PABPC5: variants seen among roughly 807,000 people sequenced by gnomAD.
PABPC5 encodes the protein poly(A) binding protein cytoplasmic 5, also known as polyadenylate-binding protein 5.
A neutral mutation model predicts 12.6 loss-of-function variants in PABPC5; 6 were observed. The observed-to-expected ratio is 0.48, with a 90% confidence interval of 0.26 to 0.94. The LOEUF is 0.94. Among genes scored for constraint, PABPC5 ranks in the 40% least tolerant of loss-of-function variants. The probability of loss-of-function intolerance (pLI) is 0.14; values close to 1 mark genes in which losing one functional copy is unlikely to be tolerated. For missense variants in PABPC5, 244 were observed against 302.8 expected (o/e 0.81, Z 1.44); for synonymous variants, 124 against 118.4 (o/e 1.05, Z -0.31).
Position 91,436,453 on chromosome X carries a change from G to A in PABPC5, c.876G>A (p.Arg292=), listed in dbSNP as rs1241265115. 1.7e-6 allele frequency: 2 copies of A among 1,211,695 alleles called. No homozygotes were observed. Among genetic ancestry groups the A allele is most frequent in the Admixed American group, 4.3e-5 (2 of 46,027 alleles). ...TGAGGCGGAGATTTGAACGGCTGAG[G>A]TTAAAAGAAAAAAGTCGGCCCCCAG... ...AELRRRFERL[R]LKEKSRPPGV... The change falls in exon 2 of 2, where the codon AGG becomes AGA. Residue 292 remains arginine (R), a synonymous_variant. Transcript: ENST00000312600.
chrX:91,436,666 C>T lies in PABPC5; in HGVS notation c.1089C>T (p.Gly363=). 8.3e-7 allele frequency: 1 copy of T among 1,210,952 alleles called. No individual in the cohort carries two copies. The highest frequency in any genetic ancestry group is 1.1e-6 in the Non-Finnish European group (1 of 895,444). The change falls in exon 2 of 2, where the codon GGC becomes GGT. Residue 363 remains glycine (G), a synonymous_variant. Coordinates refer to ENST00000312600, the MANE Select transcript of PABPC5 (RefSeq NM_080832.3). ...CCAAAGCAGTGGATGAGATGAATGGCCGCATAGTGGGCTCCAAGCCCCTGC... is the reference window on the plus strand; with the variant it reads ...CCAAAGCAGTGGATGAGATGAATGGTCGCATAGTGGGCTCCAAGCCCCTGC... ...EATKAVDEMN[G]RIVGSKPLHV... is the part of the protein sequence containing the mutation.
rs766699601 is a variant in PABPC5, at chrX:91,438,376, G to A, written c.*1650G>A. On this transcript the variant is annotated 3_prime_UTR_variant, in exon 2 of 2. Coordinates refer to ENST00000312600, the MANE Select transcript of PABPC5 (RefSeq NM_080832.3). ...ATAAGACATGCTCATTGTAAAAAAT[G>A]TACACAAGGCAGAAGGAAGTAAAAT... The A allele has an allele frequency of 8.1e-6, 1 of 122,767 alleles. No individual in the cohort carries two copies. Among genetic ancestry groups the A allele is most frequent in the African/African-American group, 3.2e-5 (1 of 30,807 alleles). 10.1% of individuals were successfully genotyped at this position (122,767 alleles called of 1,213,427 possible). A position where few individuals can be genotyped will look rare whatever the true frequency, so the allele number is the denominator to read the frequency against.
At position 91,435,736 on chromosome X, in the gene PABPC5, G is replaced by A. The variant is rs753918461; in HGVS notation, c.159G>A (p.Pro53=). The A allele has an allele frequency of 5.0e-6, 6 of 1,211,354 alleles. No individual in the cohort carries two copies. The highest frequency in any genetic ancestry group is 1.8e-5 in the South Asian group (1 of 56,900). ...PLRFTRICRD[P]VTRSPLGYGY... ...GATTCACCCGAATCTGCCGTGATCCGGTGACCCGCAGCCCCCTGGGCTATG... is the reference window on the plus strand; with the variant it reads ...GATTCACCCGAATCTGCCGTGATCCAGTGACCCGCAGCCCCCTGGGCTATG... The change falls in exon 2 of 2, where the codon CCG becomes CCA. Residue 53 remains proline (P), a synonymous_variant. Coordinates refer to ENST00000312600, the MANE Select transcript of PABPC5 (RefSeq NM_080832.3).
rs1282922365 is a variant in PABPC5, at chrX:91,437,521, T to C, written c.*795T>C. Reference sequence around the variant, plus strand: ...TTTCTAAATTCCTTAGTACATATACTTGGATCATGTTAAATTAACAAGAAA... The same window carrying C: ...TTTCTAAATTCCTTAGTACATATACCTGGATCATGTTAAATTAACAAGAAA... On this transcript the variant is annotated 3_prime_UTR_variant, in exon 2 of 2. Coordinates refer to ENST00000312600, the MANE Select transcript of PABPC5 (RefSeq NM_080832.3). 2 of 123,325 alleles carry C rather than the reference T, an allele frequency of 1.6e-5. No individual in the cohort carries two copies. Among genetic ancestry groups the C allele is most frequent in the Non-Finnish European group, 3.8e-5 (2 of 53,198 alleles). 10.2% of individuals were successfully genotyped at this position (123,325 alleles called of 1,213,427 possible).
chrX:91,437,614 A>G lies in PABPC5; in HGVS notation c.*888A>G, dbSNP rs1252799016. 2.4e-5 allele frequency: 3 copies of G among 123,184 alleles called. No individual in the cohort carries two copies. The highest frequency in any genetic ancestry group is 9.7e-5 in the African/African-American group (3 of 30,802). 10.2% of individuals were successfully genotyped at this position (123,184 alleles called of 1,213,427 possible). A position where few individuals can be genotyped will look rare whatever the true frequency, so the allele number is the denominator to read the frequency against. On this transcript the variant is annotated 3_prime_UTR_variant, in exon 2 of 2. Transcript: ENST00000312600. ...AATATTTTACCTTCGGGTTTTATCAACTGTCAATATAAAAGGCAGTACTCC... is the reference window on the plus strand; with the variant it reads ...AATATTTTACCTTCGGGTTTTATCAGCTGTCAATATAAAAGGCAGTACTCC...
At position 91,436,910 on chromosome X, in the gene PABPC5, A is replaced by G; in HGVS notation, c.*184A>G. 1 of 428,566 alleles carries G rather than the reference A, an allele frequency of 2.3e-6. No homozygotes were observed. The highest frequency in any genetic ancestry group is 3.9e-6 in the Non-Finnish European group (1 of 255,652). 35.3% of individuals were successfully genotyped at this position (428,566 alleles called of 1,213,427 possible). On this transcript the variant is annotated 3_prime_UTR_variant, in exon 2 of 2. Coordinates refer to ENST00000312600, the MANE Select transcript of PABPC5 (RefSeq NM_080832.3). ...ATAGAACATAATTTCTAACTGTAAA[A>G]TTGTCATTTTGTACTTTTTTTGATG...
At chrX:91,435,289 C>G in intron 1 of PABPC5, 146 bp from the exon 2 acceptor site, 2 of 264,008 alleles carry the variant, frequency 7.6e-6, no homozygotes, top group East Asian at 1.2e-4. Flanking sequence ...GTTTCTGGTA[C>G]TGGCTTTTGA....
chrX:91,438,373 A>C lies in PABPC5; in HGVS notation c.*1647A>C, dbSNP rs192499312. 1 of 123,157 alleles carries C rather than the reference A, an allele frequency of 8.1e-6. No individual in the cohort carries two copies. Among genetic ancestry groups the C allele is most frequent in the Admixed American group, 9.5e-5 (1 of 10,507 alleles). 10.1% of individuals were successfully genotyped at this position (123,157 alleles called of 1,213,427 possible). A position where few individuals can be genotyped will look rare whatever the true frequency, so the allele number is the denominator to read the frequency against. On this transcript the variant is annotated 3_prime_UTR_variant, in exon 2 of 2. Coordinates refer to ENST00000312600, the MANE Select transcript of PABPC5 (RefSeq NM_080832.3). ...AACATAAGACATGCTCATTGTAAAA[A>C]ATGTACACAAGGCAGAAGGAAGTAA...
chrX:91,436,741 A>G lies in PABPC5; in HGVS notation c.*15A>G, dbSNP rs1931609941. 3 of 1,186,678 alleles carry G rather than the reference A, an allele frequency of 2.5e-6. No homozygotes were observed. The highest frequency in any genetic ancestry group is 3.4e-6 in the Non-Finnish European group (3 of 882,150). On this transcript the variant is annotated 3_prime_UTR_variant, in exon 2 of 2. Coordinates refer to ENST00000312600, the MANE Select transcript of PABPC5 (RefSeq NM_080832.3). The stretch of plus-strand genomic sequence containing the variant: ...GCAGGTGCTGAGAATAAGAATGCTC[A>G]GTTTGTTTCAGCCTTAGTTGGTGCC...
chrX:91,436,317 A>T lies in PABPC5; in HGVS notation c.740A>T (p.Glu247Val). Residue 247 changes from glutamate (E) to valine (V), a missense_variant, in exon 2 of 2, where the codon GAG becomes GTG. Around this residue, in one of 3 missense-constraint regions of PABPC5, gnomAD observed 211 missense variants for 261.5 expected, o/e 0.81. Coordinates refer to ENST00000312600, the MANE Select transcript of PABPC5 (RefSeq NM_080832.3). ...KSKGFGFVRY[E>V]THEAAQKAVL... ...AAAGGCTTTGGATTTGTGAGATATG[A>T]GACACACGAGGCTGCCCAAAAGGCT... The T allele has an allele frequency of 8.3e-7, 1 of 1,211,744 alleles. No individual in the cohort carries two copies. Among genetic ancestry groups the T allele is most frequent in the Non-Finnish European group, 1.1e-6 (1 of 895,577 alleles).
chrX:91,435,485 C>CT lies in PABPC5; in HGVS notation c.-88dup. The CT allele has an allele frequency of 1.1e-6, 1 of 904,965 alleles. No individual in the cohort carries two copies. The highest frequency in any genetic ancestry group is 1.5e-6 in the Non-Finnish European group (1 of 662,027). The allele number at this position is 904,965 out of a possible 1,213,427, so 74.6% of individuals were successfully genotyped here. ...TTTAGCTTCCTTTTGCCTGCCTTGG[C>CT]TTTTTCTGTTCGTGAACAGCTGTTT... On this transcript the variant is annotated 5_prime_UTR_variant, in exon 2 of 2. Transcript: ENST00000312600.
chrX:91,436,169 T>C lies in PABPC5; in HGVS notation c.592T>C (p.Phe198Leu), dbSNP rs1481337492. ...GGTCAGAACCAGGGATAGAGCAACT[T>C]TCACCAATGTTTTCGTTAAAAACAT... ...AEVRTRDRAT[F>L]TNVFVKNIGD... The change falls in exon 2 of 2, where the codon TTC becomes CTC. Residue 198 changes from phenylalanine (F) to leucine (L), a missense_variant. Transcript: ENST00000312600. 1 of 1,211,374 alleles carries C rather than the reference T, an allele frequency of 8.3e-7. No homozygotes were observed. The highest frequency in any genetic ancestry group is 1.1e-6 in the Non-Finnish European group (1 of 895,423).
rs961721618 is a variant in PABPC5 at position 91,435,321 on chromosome X, G to A, written c.-143-114G>A. On this transcript the variant is annotated intron_variant, in intron 1 of 1. Transcript: ENST00000312600. ...TTGAAACTGATTTTAAATCTGAACG[G>A]GTGACAATTTTAAGTCCCCGCAGGG... The A allele has an allele frequency of 4.0e-5, 12 of 300,383 alleles. No homozygotes were observed. In the East Asian group the frequency reaches 5.9e-4, roughly 15 times the overall value. 24.8% of individuals were successfully genotyped at this position (300,383 alleles called of 1,213,427 possible).
Position 91,436,323 on chromosome X carries a change from A to C in PABPC5, c.746A>C (p.His249Pro). ...KGFGFVRYET[H>P]EAAQKAVLDL... ...TTTGGATTTGTGAGATATGAGACAC[A>C]CGAGGCTGCCCAAAAGGCTGTGCTA... is the stretch of plus-strand genomic sequence containing the variant. Residue 249 changes from histidine (H) to proline (P), a missense_variant, in exon 2 of 2, where the codon CAC becomes CCC. His to Pro is a moderately conservative substitution (Grantham distance 77). Transcript: ENST00000312600. 3 of 1,211,829 alleles carry C rather than the reference A, an allele frequency of 2.5e-6. No individual in the cohort carries two copies. The highest frequency in any genetic ancestry group is 3.3e-6 in the Non-Finnish European group (3 of 895,583).
rs1931630346 is a variant in PABPC5, at chrX:91,438,047, G to A, written c.*1321G>A. 1 of 122,191 alleles carries A rather than the reference G, an allele frequency of 8.2e-6. No individual in the cohort carries two copies. Among genetic ancestry groups the A allele is most frequent in the African/African-American group, 3.3e-5 (1 of 30,607 alleles). The allele number at this position is 122,191 out of a possible 1,213,427, so 10.1% of individuals were successfully genotyped here. On this transcript the variant is annotated 3_prime_UTR_variant, in exon 2 of 2. Coordinates refer to ENST00000312600, the MANE Select transcript of PABPC5 (RefSeq NM_080832.3). ...CCAGTTCAAGTCCTTTTAGGAAGAA[G>A]AAAATACCTAATTTATGTAAAATTT... is the stretch of plus-strand genomic sequence containing the variant.
rs1931634506 is a variant in PABPC5, at chrX:91,438,332, G to C, written c.*1606G>C. 8.1e-6 allele frequency: 1 copy of C among 122,792 alleles called. No homozygotes were observed. Among genetic ancestry groups the C allele is most frequent in the Admixed American group, 9.5e-5 (1 of 10,483 alleles). 10.1% of individuals were successfully genotyped at this position (122,792 alleles called of 1,213,427 possible). A position where few individuals can be genotyped will look rare whatever the true frequency, so the allele number is the denominator to read the frequency against. On this transcript the variant is annotated 3_prime_UTR_variant, in exon 2 of 2. Transcript: ENST00000312600. ...AAATATTTTCAAAATGGAAATCACT[G>C]TTTATATTGATTATAAACATAAGAC...
rs374301925 is a variant in PABPC5, at chrX:91,436,193, A to T, written c.616A>T (p.Ile206Phe). 5 of 1,209,917 alleles carry T rather than the reference A, an allele frequency of 4.1e-6. No homozygotes were observed. Among genetic ancestry groups the T allele is most frequent in the Non-Finnish European group, 5.6e-6 (5 of 895,339 alleles). ...ATFTNVFVKN[I>F]GDDIDDEKLK... The stretch of plus-strand genomic sequence containing the variant: ...TTTCACCAATGTTTTCGTTAAAAAC[A>T]TTGGAGACGACATAGATGACGAAAA... The change falls in exon 2 of 2, where the codon ATT (isoleucine) becomes TTT (phenylalanine). Residue 206 changes from isoleucine (I) to phenylalanine (F), a missense_variant. By Grantham distance (21) the Ile-to-Phe change is conservative. Coordinates refer to ENST00000312600, the MANE Select transcript of PABPC5 (RefSeq NM_080832.3).
In PABPC5 at chrX:91,436,183, C is replaced by T. The variant is rs746251768; in HGVS notation, c.606C>T (p.Phe202=). The T allele has an allele frequency of 8.3e-7, 1 of 1,211,054 alleles. No homozygotes were observed. The highest frequency in any genetic ancestry group is 1.1e-6 in the Non-Finnish European group (1 of 895,266). Reference sequence around the variant, plus strand: ...ATAGAGCAACTTTCACCAATGTTTTCGTTAAAAACATTGGAGACGACATAG... The same window carrying T: ...ATAGAGCAACTTTCACCAATGTTTTTGTTAAAAACATTGGAGACGACATAG... The part of the protein sequence containing the change: ...TRDRATFTNV[F]VKNIGDDIDD... The change falls in exon 2 of 2, where the codon TTC becomes TTT. Residue 202 remains phenylalanine (F), a synonymous_variant. Transcript: ENST00000312600.
rs1931611102 is a variant in PABPC5, at chrX:91,436,819, G to C, written c.*93G>C. 6.3e-6 allele frequency: 5 copies of C among 795,183 alleles called. No individual in the cohort carries two copies. Among genetic ancestry groups the C allele is most frequent in the Admixed American group, 4.7e-5 (1 of 21,198 alleles). The allele number at this position is 795,183 out of a possible 1,213,427, so 65.5% of individuals were successfully genotyped here. A position where few individuals can be genotyped will look rare whatever the true frequency, so the allele number is the denominator to read the frequency against. On this transcript the variant is annotated 3_prime_UTR_variant, in exon 2 of 2. Transcript: ENST00000312600. ...GGGGTTATTTTATGCTAATTCACAA[G>C]TTTTTTTTTGAAGTGAATTCTTTTG...
Sources: gnomAD v4.1 joint callset for allele counts on GRCh38, gnomAD v4.1.1 for gene constraint, gnomAD v4.1.1 regional missense constraint, MANE v1.5 for transcripts, NCBI Gene and HGNC (gene_info 2026-07-23, HGNC 2026-07-21) for gene names.